Variants in MRTFA observed in about 807,000 individuals in gnomAD.
The protein encoded by MRTFA is myocardin related transcription factor A.
Under a neutral mutation model 83.5 loss-of-function variants are expected in MRTFA, and 20 were observed. The observed-to-expected ratio is 0.24, with a 90% CI of 0.17 to 0.35. The LOEUF is 0.35. Ranked by LOEUF, MRTFA falls within the 10% of genes least tolerant of loss-of-function variation. The pLI is 1.00. For synonymous variants in MRTFA, 659 were observed against 541.2 expected, an observed-to-expected ratio of 1.22 and a Z score of -3.02; for missense variants, 1,200 against 1,224.7, an observed-to-expected ratio of 0.98 and a Z score of 0.30.
intron 2 of MRTFA, among the ~76,000 whole-genome samples, chr22:40,570,810 T>C (rs1233369153): frequency 6.6e-6 from 1 of 151,618 alleles, no homozygotes; most frequent in Non-Finnish European, 1.5e-5. Context: ...GACTTCTTTA[T>C]ACAAGACAAA....
chr22:40,474,947 T>A (rs1043537802), intron 3 of MRTFA, among the ~76,000 whole-genome samples: 1 of 152,054 alleles, frequency 6.6e-6, no homozygotes, highest in Non-Finnish European at 1.5e-5. Context: ...CAAGCTATTC[T>A]CCTGCCTCAG....
chr22:40,569,162 G>C (rs1056111451), intron 2 of MRTFA: 2 of 153,742 alleles, frequency 1.3e-5, no homozygotes, highest in Non-Finnish European at 2.9e-5. Context: ...TGAGGCAGAA[G>C]GATCATGTGA....
chr22:40,540,164 A>G (rs2055265495), intron 3 of MRTFA, among the ~76,000 whole-genome samples: 1 of 151,842 alleles, frequency 6.6e-6, no homozygotes, highest in South Asian at 2.1e-4. Context: ...CTCCCGCCTC[A>G]GCCTCCCAAA....
chr22:40,418,989 A>G lies in MRTFA; in HGVS notation c.1749T>C (p.Pro583=), dbSNP rs2052760815. 2.5e-6 allele frequency: 4 copies of G among 1,612,646 alleles called. No homozygotes were observed. The highest frequency in any genetic ancestry group is 2.5e-6 in the Non-Finnish European group (3 of 1,179,906). ...AGGCCTGCAGGGTCAGCTGCGTCAG[A>G]GGTGATGTCACCATCTCACCAAAGG... Residue 583 remains proline, a synonymous_variant, in exon 12 of 15, where the codon CCT becomes CCC. Transcript: ENST00000355630.
intron 5 of MRTFA, among the ~76,000 whole-genome samples, chr22:40,432,715 T>A (rs1426524969): frequency 6.6e-6 from 1 of 151,408 alleles, no homozygotes; most frequent in Non-Finnish European, 1.5e-5. Context: ...TGTCCTCACC[T>A]AGCCATCTGC....
chr22:40,583,226 A>C (rs1324807603), intron 2 of MRTFA, among the ~76,000 whole-genome samples: 1 of 151,844 alleles, frequency 6.6e-6, no homozygotes, highest in Non-Finnish European at 1.5e-5. Context: ...CATTTCAGAG[A>C]AAAAAACTAT....
intron 4 of MRTFA, among the ~76,000 whole-genome samples, chr22:40,437,718 GT>G (rs1346458245): frequency 6.7e-6 from 1 of 149,744 alleles, no homozygotes; most frequent in Non-Finnish European, 1.5e-5. Flanking sequence ...CGCCAAGATA[GT>G]GCCACTGCAC....
intron 3 of MRTFA, among the ~76,000 whole-genome samples, chr22:40,490,652 G>A (rs552244525): frequency 1.2e-4 from 18 of 151,752 alleles, no homozygotes; most frequent in African/African-American, 4.3e-4. Context: ...TCTGCAAACT[G>A]GGCACTGATA....
intron 3 of MRTFA, among the ~76,000 whole-genome samples, chr22:40,532,984 A>T (rs1201169115): frequency 1.3e-5 from 2 of 152,250 alleles, no homozygotes; most frequent in South Asian, 2.1e-4. Flanking sequence ...CTATATTTTT[A>T]AAAGGGTTTT....
intron 7 of MRTFA, among the ~76,000 whole-genome samples, chr22:40,427,093 G>A (rs2052969562): frequency 1.3e-5 from 2 of 152,176 alleles, no homozygotes; most frequent in Admixed American, 6.5e-5. Flanking sequence ...TCATCTTTGT[G>A]ACATCAGGAC....
intron 1 of MRTFA, among the ~76,000 whole-genome samples, chr22:40,606,230 G>A (rs1336579430): frequency 6.6e-6 from 1 of 152,084 alleles, no homozygotes; most frequent in Non-Finnish European, 1.5e-5. Context: ...AGTAGTGTTT[G>A]TAATTGATAA....
chr22:40,550,804 T>C (rs8140655), intron 3 of MRTFA, among the ~76,000 whole-genome samples: 5,632 of 152,040 alleles, frequency 0.037, 388 homozygotes, highest in African/African-American at 0.13. Context: ...TGGGTGGTAT[T>C]TGAACACACA....
chr22:40,611,210 A>G (rs2056384237), intron 1 of MRTFA, among the ~76,000 whole-genome samples: 1 of 151,990 alleles, frequency 6.6e-6, no homozygotes, highest in Non-Finnish European at 1.5e-5. Flanking sequence ...AAGTGCTGGG[A>G]TTACAGGCGT....
At chr22:40,433,783 A>G (rs972945715) in intron 5 of MRTFA, 2 of 152,242 alleles carry the variant, frequency 1.3e-5, no homozygotes, top group African/African-American at 4.8e-5. Context: ...TAACCAATCC[A>G]ATATATTCAT....
At chr22:40,502,775 G>A (rs972527656) in intron 3 of MRTFA, among the ~76,000 whole-genome samples, 9 of 151,938 alleles carry the variant, frequency 5.9e-5, no homozygotes, top group African/African-American at 1.2e-4. Flanking sequence ...GGCGCTCGCC[G>A]GCGCGGCGGC....
intron 2 of MRTFA, among the ~76,000 whole-genome samples, chr22:40,583,434 T>G (rs996137409): frequency 4.6e-5 from 7 of 152,190 alleles, no homozygotes; most frequent in African/African-American, 1.7e-4. Context: ...TTAGGCACAC[T>G]CAAGCCACAA....
intron 4 of MRTFA, among the ~76,000 whole-genome samples, chr22:40,461,436 T>G (rs2053709860): frequency 6.6e-6 from 1 of 151,682 alleles, no homozygotes; most frequent in Admixed American, 6.6e-5. Flanking sequence ...AAGGATTGCT[T>G]GAGCCCAGGA....
Position 40,419,397 on chromosome 22 carries a change from CAA to C in MRTFA, c.1354-15_1354-14del. 1 of 1,611,844 alleles carries C rather than the reference CAA, an allele frequency of 6.2e-7. No homozygotes were observed. Among genetic ancestry groups the C allele is most frequent in the South Asian group, 1.1e-5 (1 of 90,994 alleles). The stretch of plus-strand genomic sequence containing the variant: ...TCAGCTCTGCCACCTGCAAGGCAGT[CAA>C]GAGTCAGGGAGGCCAGGGGCAGCTG... On this transcript the variant is annotated splice_polypyrimidine_tract_variant and intron_variant, in intron 11 of 14. Coordinates refer to ENST00000355630, the MANE Select transcript of MRTFA (RefSeq NM_020831.6).
rs947546152 is a variant in MRTFA at position 40,520,079 on chromosome 22, G to C, written c.241+32027C>G. On this transcript the variant is annotated intron_variant, in intron 3 of 14. Transcript: ENST00000355630. ...ATATTTTCATCCCTAGGGTTTTCTT[G>C]TGTCCCTTTGTATTCAATTTCTCCT... Among the ~76,000 whole-genome samples, 11 of 152,202 alleles carry C rather than the reference G, an allele frequency of 7.2e-5. No homozygotes were observed. The South Asian group carries it at 2.1e-3, about 29-fold the overall frequency.
Sources: gnomAD v4.1 joint callset for allele counts (sites outside exome capture counted in the v4.1 genomes callset) on GRCh38, gnomAD v4.1.1 for gene constraint, MANE v1.5 for transcripts, NCBI Gene and HGNC (gene_info 2026-07-23, HGNC 2026-07-21) for gene names.